The following CADPS2 variants were observed in gnomAD, a reference collection of about 807,000 sequenced individuals.
CADPS2 encodes calcium-dependent secretion activator 2.
In CADPS2, 93 loss-of-function variants were observed where a neutral mutation model predicts 172.5. The ratio of observed to expected loss-of-function variants is 0.54; its 90% CI spans 0.46 to 0.64. The LOEUF is 0.64. Ranked by LOEUF, CADPS2 falls within the 30% of genes least tolerant of loss-of-function variation. CADPS2 has a pLI of 0.00. For missense variants in CADPS2, 1,420 were observed against 1,565.9 expected, an observed-to-expected ratio of 0.91 and a Z score of 1.57; for synonymous variants, 546 against 555.2, an observed-to-expected ratio of 0.98 and a Z score of 0.23.
intron 6 of CADPS2, among the ~76,000 whole-genome samples, chr7:122,604,950 C>G (rs538576334): frequency 6.6e-6 from 1 of 152,064 alleles, no homozygotes; most frequent in South Asian, 2.1e-4. Flanking sequence ...CTTATACAAA[C>G]CTAGGCAGTA....
At chr7:122,380,130 T>TA (rs1367624991) in intron 24 of CADPS2, among the ~76,000 whole-genome samples, 1 of 152,086 alleles carries the variant, frequency 6.6e-6, no homozygotes, top group East Asian at 1.9e-4. Context: ...AAGATGTATT[T>TA]AAAATCAACC....
intron 1 of CADPS2, among the ~76,000 whole-genome samples, chr7:122,761,389 C>T (rs2093373686): frequency 6.9e-6 from 1 of 144,566 alleles, no homozygotes; most frequent in African/African-American, 2.6e-5. Context: ...GCCAGAGATG[C>T]TCACAAAGTA....
intron 1 of CADPS2, among the ~76,000 whole-genome samples, chr7:122,767,681 G>C (rs2093596133): frequency 6.6e-6 from 1 of 152,026 alleles, no homozygotes. Context: ...TTTAGTAACT[G>C]TAAATTAGTC....
intron 1 of CADPS2, among the ~76,000 whole-genome samples, chr7:122,754,509 G>C (rs1371905529): frequency 6.6e-6 from 1 of 151,784 alleles, no homozygotes; most frequent in Non-Finnish European, 1.5e-5. Context: ...ATGGAGTTTT[G>C]CTCATCACCC....
At chr7:122,394,698 GA>G (rs1040531151) in intron 20 of CADPS2, among the ~76,000 whole-genome samples, 1 of 152,076 alleles carries the variant, frequency 6.6e-6, no homozygotes, top group African/African-American at 2.4e-5. Flanking sequence ...TAGACTGAGG[GA>G]GGGGGAGGGG....
rs1284198609 is a variant in CADPS2 at position 122,377,725 on chromosome 7, C to A, written c.3387+1643G>T. Among the ~76,000 whole-genome samples, 11 of 152,122 alleles carry A rather than the reference C, an allele frequency of 7.2e-5. No individual in the cohort carries two copies. The East Asian group carries it at 2.1e-3, about 29-fold the overall frequency. ...AACTTGATTCTCCAGTAGTTCACCC[C>A]TTCCCCCCATGGTTTTCCTATTATT... On this transcript the variant is annotated intron_variant, in intron 25 of 29. Transcript: ENST00000449022.
At chr7:122,531,134 T>C (rs1396439474) in intron 8 of CADPS2, among the ~76,000 whole-genome samples, 1 of 152,202 alleles carries the variant, frequency 6.6e-6, no homozygotes, top group African/African-American at 2.4e-5. Flanking sequence ...GACAGCAAGC[T>C]GTACTGGTAG....
intron 17 of CADPS2, among the ~76,000 whole-genome samples, chr7:122,427,868 A>C (rs1044693314): frequency 2.6e-5 from 4 of 152,180 alleles, no homozygotes; most frequent in Non-Finnish European, 5.9e-5. Flanking sequence ...GGAAGAATTT[A>C]TATCTTATAT....
intron 1 of CADPS2, among the ~76,000 whole-genome samples, chr7:122,795,147 T>TAA (rs375904629): frequency 9.7e-5 from 14 of 144,298 alleles, no homozygotes; most frequent in African/African-American, 3.5e-4. Context: ...GATTGAGACA[T>TAA]AAAAAAAAAA....
chr7:122,579,816 G>T (rs1269938188), intron 7 of CADPS2, among the ~76,000 whole-genome samples: 2 of 151,788 alleles, frequency 1.3e-5, no homozygotes, highest in East Asian at 3.9e-4. Flanking sequence ...AGCTCTCTTA[G>T]GTATTAACAA....
At chr7:122,652,720 C>A (rs2079299488) in intron 3 of CADPS2, among the ~76,000 whole-genome samples, 1 of 152,162 alleles carries the variant, frequency 6.6e-6, no homozygotes, top group Admixed American at 6.5e-5. Context: ...CGCACCACTG[C>A]AGATACATTG....
chr7:122,546,085 T>G (rs1026632206), intron 8 of CADPS2, among the ~76,000 whole-genome samples: 1 of 152,198 alleles, frequency 6.6e-6, no homozygotes, highest in Non-Finnish European at 1.5e-5. Context: ...GGATGAATAC[T>G]TAGAAATATA....
chr7:122,701,054 T>C (rs1382899396), intron 2 of CADPS2, among the ~76,000 whole-genome samples: 1 of 151,990 alleles, frequency 6.6e-6, no homozygotes, highest in African/African-American at 2.4e-5. Context: ...TTAGTCAAAA[T>C]GTGGAAACAA....
intron 27 of CADPS2, among the ~76,000 whole-genome samples, chr7:122,349,619 G>T (rs1026537888): frequency 5.9e-5 from 9 of 152,174 alleles, no homozygotes; most frequent in African/African-American, 1.9e-4. Context: ...GTATTTTAAG[G>T]TGAGTTCCTC....
chr7:122,351,138 G>A (rs867901494), intron 27 of CADPS2, among the ~76,000 whole-genome samples: 39 of 151,774 alleles, frequency 2.6e-4, no homozygotes, highest in Non-Finnish European at 8.8e-5. Context: ...GGCTGAGGTG[G>A]GCAGATCACG....
intron 2 of CADPS2, among the ~76,000 whole-genome samples, chr7:122,735,325 C>A (rs988888903): frequency 2.6e-5 from 4 of 152,088 alleles, no homozygotes; most frequent in Non-Finnish European, 5.9e-5. Flanking sequence ...AGGCTAAACA[C>A]CCCCAGCTCC....
chr7:122,573,422 C>T (rs1322522017), intron 7 of CADPS2, among the ~76,000 whole-genome samples: 5 of 152,012 alleles, frequency 3.3e-5, no homozygotes, highest in African/African-American at 1.2e-4. Context: ...CAACAGTAGT[C>T]CCAGCAACTT....
At chr7:122,545,670 C>A (rs1442252257) in intron 8 of CADPS2, among the ~76,000 whole-genome samples, 1 of 151,878 alleles carries the variant, frequency 6.6e-6, no homozygotes, top group Non-Finnish European at 1.5e-5. Flanking sequence ...TTAGGGTTGG[C>A]AGAAGGAATA....
intron 2 of CADPS2, among the ~76,000 whole-genome samples, chr7:122,696,452 C>T (rs573212705): frequency 8.5e-4 from 130 of 152,258 alleles, no homozygotes; most frequent in African/African-American, 3.1e-3. Flanking sequence ...CAGTTTTTGC[C>T]GATTCTTCCT....
Sources: allele counts gnomAD v4.1 joint callset (sites outside exome capture counted in the v4.1 genomes callset), GRCh38; gene constraint gnomAD v4.1.1; transcripts MANE v1.5; gene names NCBI Gene and HGNC (gene_info 2026-07-23, HGNC 2026-07-21).